Variants in GSG1L observed in about 807,000 individuals in gnomAD.
GSG1L encodes GSG1 like, also known as germ cell-specific gene 1-like protein.
GSG1L carries 24 observed loss-of-function variants against 42.1 expected under a neutral mutation model. The ratio of observed to expected loss-of-function variants is 0.57; its 90% CI spans 0.41 to 0.80. GSG1L has a LOEUF of 0.80. GSG1L is among the 30% of genes least tolerant of loss of function. The pLI, the probability that GSG1L is intolerant of heterozygous loss-of-function variation, is 0.00. For missense variants in GSG1L, 445 were observed against 472.2 expected, an observed-to-expected ratio of 0.94 and a Z score of 0.53; for synonymous variants, 215 against 203.5, an observed-to-expected ratio of 1.06 and a Z score of -0.48.
At chr16:28,003,481 C>A (rs2085601699) in intron 1 of GSG1L, among the ~76,000 whole-genome samples, 1 of 152,196 alleles carries the variant, frequency 6.6e-6, no homozygotes, top group Non-Finnish European at 1.5e-5. Flanking sequence ...AACCCACCTC[C>A]CAGAGTCCTC....
chr16:27,980,099 G>C (rs1427881528), intron 1 of GSG1L, among the ~76,000 whole-genome samples: 1 of 152,168 alleles, frequency 6.6e-6, no homozygotes, highest in Non-Finnish European at 1.5e-5. Context: ...CTGAGCAGGT[G>C]GGGGGAACCT....
intron 3 of GSG1L, among the ~76,000 whole-genome samples, chr16:27,846,254 A>G (rs1240496486): frequency 6.6e-6 from 1 of 152,190 alleles, no homozygotes; most frequent in Admixed American, 6.5e-5. Context: ...TGAAGGGACA[A>G]GTCTCTCCTC....
chr16:27,998,818 AC>A (rs1342328380), intron 1 of GSG1L, among the ~76,000 whole-genome samples: 1 of 151,816 alleles, frequency 6.6e-6, no homozygotes, highest in Admixed American at 6.6e-5. Context: ...AAAAAAAAAA[AC>A]AACCCAAGGC....
At chr16:27,847,690 G>C (rs537526075) in intron 3 of GSG1L, among the ~76,000 whole-genome samples, 11 of 152,330 alleles carry the variant, frequency 7.2e-5, no homozygotes, top group African/African-American at 2.6e-4. Flanking sequence ...TGGATCATGG[G>C]GGGAGATTTC....
chr16:28,023,527 ATTG>A (rs1271763211), intron 1 of GSG1L, among the ~76,000 whole-genome samples: 4 of 152,194 alleles, frequency 2.6e-5, no homozygotes, highest in African/African-American at 9.7e-5. Flanking sequence ...ACAGTGACAA[ATTG>A]TTGTCCATTG....
intron 1 of GSG1L, among the ~76,000 whole-genome samples, chr16:28,015,272 G>C (rs1472017184): frequency 6.6e-6 from 1 of 152,128 alleles, no homozygotes; most frequent in Admixed American, 6.5e-5. Context: ...GGGAGGCTGA[G>C]GCAGAAGGAT....
intron 2 of GSG1L, among the ~76,000 whole-genome samples, chr16:27,890,288 T>C (rs1035630138): frequency 6.6e-6 from 1 of 152,030 alleles, no homozygotes; most frequent in African/African-American, 2.4e-5. Flanking sequence ...CCAGGCATGA[T>C]GGGGAAGGAG....
At chr16:27,860,462 C>G (rs2083634035) in intron 3 of GSG1L, among the ~76,000 whole-genome samples, 1 of 152,200 alleles carries the variant, frequency 6.6e-6, no homozygotes, top group South Asian at 2.1e-4. Flanking sequence ...GACAGCTGCT[C>G]CCCGTTGCAG....
chr16:27,820,440 G>A (rs1001900588), intron 5 of GSG1L, among the ~76,000 whole-genome samples: 1 of 152,078 alleles, frequency 6.6e-6, no homozygotes, highest in Non-Finnish European at 1.5e-5. Flanking sequence ...GGAGTGAGGG[G>A]GTGGGAGCCA....
At chr16:28,052,004 G>C (rs1001219741) in intron 1 of GSG1L, among the ~76,000 whole-genome samples, 1 of 152,162 alleles carries the variant, frequency 6.6e-6, no homozygotes, top group Admixed American at 6.5e-5. Context: ...AGGAGACGGG[G>C]AGAAATGGTG....
At position 27,922,312 on chromosome 16, in the gene GSG1L, T is replaced by C. The variant is rs148200961; in HGVS notation, c.398-37674A>G. On this transcript the variant is annotated intron_variant, in intron 2 of 6. Coordinates refer to ENST00000447459, the MANE Select transcript of GSG1L (RefSeq NM_001109763.2). Reference sequence around the variant, plus strand: ...TTTGTCTAATTCTATTGATCCAATATGTTCTATTTCTCTCAACAAAACATA... The same window carrying C: ...TTTGTCTAATTCTATTGATCCAATACGTTCTATTTCTCTCAACAAAACATA... Among the ~76,000 whole-genome samples, 359 of 152,352 alleles carry C rather than the reference T, an allele frequency of 2.4e-3. 1 individual carries two copies. The highest frequency in any genetic ancestry group is 0.01 in the Middle Eastern group (3 of 294).
Position 27,947,429 on chromosome 16 carries a change from AG to A in GSG1L, c.397+15726del, listed in dbSNP as rs1251251088. Among the ~76,000 whole-genome samples, 135 of 145,728 alleles carry A rather than the reference AG, an allele frequency of 9.3e-4. 2 individuals carry two copies. The highest frequency in any genetic ancestry group is 1.3e-3 in the Non-Finnish European group (85 of 65,752). ...GAAAGAAAGAAAGAAAGAAAGAAAG[AG>A]AAGGAAGGAAGGAAAGAAGAAGGAA... is the stretch of plus-strand genomic sequence containing the variant. On this transcript the variant is annotated intron_variant, in intron 2 of 6. Coordinates refer to ENST00000447459, the MANE Select transcript of GSG1L (RefSeq NM_001109763.2).
rs1293839282 is a variant in GSG1L, at chr16:27,842,864, C to T, written c.662+2086G>A. On this transcript the variant is annotated intron_variant, in intron 4 of 6. Transcript: ENST00000447459. ...TCTCACCTCCAGGTCCTTGGACCTG[C>T]TGTTCCCTCTGCCTAGCACCTGATT... Among the ~76,000 whole-genome samples, 3 of 152,114 alleles carry T rather than the reference C, an allele frequency of 2.0e-5. No individual in the cohort carries two copies. The East Asian group carries it at 5.8e-4, about 29-fold the overall frequency.
At position 27,850,499 on chromosome 16, in the gene GSG1L, G is replaced by A. The variant is rs532401797; in HGVS notation, c.551-5438C>T. 1.9e-3 allele frequency: 886 copies of A among 455,724 alleles called. 17 individuals are homozygous for A. Among genetic ancestry groups the A allele is most frequent in the Admixed American group, 0.019 (825 of 42,564 alleles). The allele number at this position is 455,724 out of a possible 1,614,324, so 28.2% of individuals were successfully genotyped here. A position where few individuals can be genotyped will look rare whatever the true frequency, so the allele number is the denominator to read the frequency against. ...GTCACCTGGAGAGAGACTGTAGGAAGAGGAGAGAGAAGGGTCCCAGGATGA... is the reference window on the plus strand; with the variant it reads ...GTCACCTGGAGAGAGACTGTAGGAAAAGGAGAGAGAAGGGTCCCAGGATGA... On this transcript the variant is annotated intron_variant, in intron 3 of 6. Coordinates refer to ENST00000447459, the MANE Select transcript of GSG1L (RefSeq NM_001109763.2).
At chr16:27,820,929 T>A (rs981978781) in intron 5 of GSG1L, among the ~76,000 whole-genome samples, 10 of 152,198 alleles carry the variant, frequency 6.6e-5, no homozygotes, top group African/African-American at 2.4e-4. Flanking sequence ...TTCCTAAATG[T>A]GCTTCGTGTG....
At chr16:27,862,855 T>C (rs1177924322) in intron 3 of GSG1L, among the ~76,000 whole-genome samples, 1 of 152,132 alleles carries the variant, frequency 6.6e-6, no homozygotes, top group Non-Finnish European at 1.5e-5. Flanking sequence ...GCAGGCTGAG[T>C]CCAATTCCTG....
At chr16:28,015,295 G>A (rs1272483140) in intron 1 of GSG1L, among the ~76,000 whole-genome samples, 2 of 152,240 alleles carry the variant, frequency 1.3e-5, no homozygotes, top group East Asian at 3.8e-4. Context: ...CTTGACGCCA[G>A]GAGTTTGGGA....
At position 27,884,446 on chromosome 16, in the gene GSG1L, G is replaced by C. The variant is rs779372096; in HGVS notation, c.550+40C>G. ...TACTCCAAGGGCAGCACCCTTTCTC[G>C]CCTGTGCTCTGAGAGGCCACAGGAC... On this transcript the variant is annotated intron_variant, in intron 3 of 6. Transcript: ENST00000447459. This position sits in a 1 kb window ranked among gnomAD's most constrained non-coding sequence, Gnocchi z 4.4. 1.9e-6 allele frequency: 3 copies of C among 1,583,546 alleles called. No homozygotes were observed. Among genetic ancestry groups the C allele is most frequent in the Admixed American group, 3.4e-5 (2 of 58,138 alleles).
At chr16:27,899,657 C>G (rs1057184954) in intron 2 of GSG1L, among the ~76,000 whole-genome samples, 1 of 152,174 alleles carries the variant, frequency 6.6e-6, no homozygotes, top group Non-Finnish European at 1.5e-5. Context: ...GTTGAAGCTA[C>G]AGTGAGCTAT....
Sources: gnomAD v4.1 joint callset for allele counts (sites outside exome capture counted in the v4.1 genomes callset) on GRCh38, gnomAD v4.1.1 for gene constraint, Gnocchi (gnomAD v3.1) non-coding constraint, MANE v1.5 for transcripts, NCBI Gene and HGNC (gene_info 2026-07-23, HGNC 2026-07-21) for gene names.